KIAA0825: variants seen among roughly 807,000 people sequenced by gnomAD.
KIAA0825 encodes KIAA0825, also known as uncharacterized protein KIAA0825.
A neutral mutation model predicts 147.6 loss-of-function variants in KIAA0825; 119 were observed. The ratio of observed to expected loss-of-function variants is 0.81; its 90% CI spans 0.69 to 0.94. The LOEUF (loss-of-function observed/expected upper bound fraction) is 0.94, where lower values mean the gene tolerates loss of function less well. Among genes scored for constraint, KIAA0825 ranks in the 40% least tolerant of loss-of-function variants. The pLI is 0.00. For missense variants in KIAA0825, 1,381 were observed against 1,472.7 expected (o/e 0.94, Z 1.02); for synonymous variants, 470 against 518.1 (o/e 0.91, Z 1.26).
At chr5:94,192,499 G>A (rs1484334904) in intron 20 of KIAA0825, among the ~76,000 whole-genome samples, 1 of 152,058 alleles carries the variant, frequency 6.6e-6, no homozygotes. Flanking sequence ...GTTATTTTGA[G>A]GAAATCACTA....
intron 20 of KIAA0825, among the ~76,000 whole-genome samples, chr5:94,365,341 C>A (rs1412616567): frequency 6.6e-6 from 1 of 152,212 alleles, no homozygotes; most frequent in Non-Finnish European, 1.5e-5. Flanking sequence ...CCCCAGACAA[C>A]AATGCCCCTT....
chr5:94,421,757 G>A (rs1754220721), intron 14 of KIAA0825, among the ~76,000 whole-genome samples: 1 of 152,164 alleles, frequency 6.6e-6, no homozygotes, highest in South Asian at 2.1e-4. Flanking sequence ...AATGCCTTAT[G>A]TATCCAGACT....
intron 10 of KIAA0825, among the ~76,000 whole-genome samples, chr5:94,465,512 G>A (rs1760378341): frequency 6.6e-6 from 1 of 152,180 alleles, no homozygotes; most frequent in African/African-American, 2.4e-5. Context: ...GCATTATAAT[G>A]AAGTAACAGG....
At chr5:94,429,938 C>G (rs907513612) in intron 14 of KIAA0825, among the ~76,000 whole-genome samples, 4 of 152,102 alleles carry the variant, frequency 2.6e-5, no homozygotes, top group African/African-American at 7.2e-5. Flanking sequence ...GGCTTCCCTG[C>G]ACCAGAATCT....
At chr5:94,201,453 C>A (rs1012409810) in intron 20 of KIAA0825, among the ~76,000 whole-genome samples, 9 of 152,096 alleles carry the variant, frequency 5.9e-5, no homozygotes, top group African/African-American at 2.2e-4. Flanking sequence ...CGTCACCCAG[C>A]CTGGAGTGCA....
intron 14 of KIAA0825, among the ~76,000 whole-genome samples, chr5:94,418,833 C>A (rs552353934): frequency 3.9e-4 from 59 of 152,098 alleles, no homozygotes; most frequent in Non-Finnish European, 1.0e-4. Flanking sequence ...TCCAGCAATG[C>A]CTACATATTT....
chr5:94,424,897 G>A (rs527726248), intron 14 of KIAA0825, among the ~76,000 whole-genome samples: 14 of 152,122 alleles, frequency 9.2e-5, no homozygotes, highest in Non-Finnish European at 1.9e-4. Context: ...TGGAAGAAAC[G>A]GATAAATTCC....
intron 2 of KIAA0825, among the ~76,000 whole-genome samples, chr5:94,543,517 T>C (rs1198221381): frequency 6.6e-6 from 1 of 151,346 alleles, no homozygotes; most frequent in Admixed American, 6.6e-5. Flanking sequence ...CTTGAGAAAA[T>C]AAAATTTAAA....
At chr5:94,601,247 C>A (rs575653404) in intron 1 of KIAA0825, among the ~76,000 whole-genome samples, 1 of 152,282 alleles carries the variant, frequency 6.6e-6, no homozygotes, top group African/African-American at 2.4e-5. Context: ...TATTTCACAG[C>A]CTTCACTGGT....
At chr5:94,396,056 T>C (rs1750614124) in intron 17 of KIAA0825, 45 bp downstream of exon 17, 1 of 1,389,404 alleles carries the variant, frequency 7.2e-7, no homozygotes, top group Non-Finnish European at 9.4e-7. Context: ...TTTGTTATTG[T>C]GAAAGCATTT....
At chr5:94,600,732 C>T (rs1032680595) in intron 1 of KIAA0825, among the ~76,000 whole-genome samples, 6 of 151,872 alleles carry the variant, frequency 4.0e-5, no homozygotes, top group African/African-American at 1.5e-4. Context: ...AGTCTGTGGG[C>T]TTAAGAGAGT....
chr5:94,298,881 G>T (rs959258438), intron 20 of KIAA0825, among the ~76,000 whole-genome samples: 1 of 152,128 alleles, frequency 6.6e-6, no homozygotes, highest in Non-Finnish European at 1.5e-5. Flanking sequence ...GTAAAAATGT[G>T]TCACCACAGA....
chr5:94,207,472 T>A (rs1012987539), intron 20 of KIAA0825, among the ~76,000 whole-genome samples: 5 of 152,162 alleles, frequency 3.3e-5, no homozygotes, highest in Non-Finnish European at 7.4e-5. Context: ...CTACTCCTCA[T>A]CAAGAGTGTT....
At chr5:94,368,909 T>G (rs1350361114) in intron 20 of KIAA0825, among the ~76,000 whole-genome samples, 1 of 152,182 alleles carries the variant, frequency 6.6e-6, no homozygotes, top group African/African-American at 2.4e-5. Context: ...GGCTCACACC[T>G]GTAATCTCAG....
At chr5:94,516,984 C>T (rs1767371052) in intron 5 of KIAA0825, among the ~76,000 whole-genome samples, 1 of 151,972 alleles carries the variant, frequency 6.6e-6, no homozygotes, top group Admixed American at 6.6e-5. Flanking sequence ...CCTGTAATCC[C>T]AGCTACTTAG....
At chr5:94,579,444 G>A (rs1308865210) in intron 2 of KIAA0825, among the ~76,000 whole-genome samples, 1 of 152,152 alleles carries the variant, frequency 6.6e-6, no homozygotes, top group Non-Finnish European at 1.5e-5. Flanking sequence ...AGCATATATT[G>A]TATCCCATTA....
Position 94,408,515 on chromosome 5 carries a change from T to TTGTGTG in KIAA0825, c.2663-4728_2663-4723dup, listed in dbSNP as rs3050853. On this transcript the variant is annotated intron_variant, in intron 15 of 20. Transcript: ENST00000682413. ...GCACCCACCACCACACTCAGCTAAT[T>TTGTGTG]TGTGTGTGTGTGTGTGTGTGTGTGT... Among the ~76,000 whole-genome samples, 618 of 147,300 alleles carry TTGTGTG rather than the reference T, an allele frequency of 4.2e-3. 5 individuals carry two copies. The highest frequency in any genetic ancestry group is 0.021 in the Middle Eastern group (6 of 288).
chr5:94,365,469 T>C (rs1368106715), intron 20 of KIAA0825, among the ~76,000 whole-genome samples: 2 of 152,210 alleles, frequency 1.3e-5, no homozygotes, highest in African/African-American at 2.4e-5. Flanking sequence ...CTGATTTCTA[T>C]GTAAATCAAA....
At chr5:94,606,331 C>T (rs1454823399) in intron 1 of KIAA0825, among the ~76,000 whole-genome samples, 1 of 152,118 alleles carries the variant, frequency 6.6e-6, no homozygotes, top group Non-Finnish European at 1.5e-5. Context: ...CTACATTGCC[C>T]AAAGTAATTT....
Sources: gnomAD v4.1 joint callset for allele counts (sites outside exome capture counted in the v4.1 genomes callset) on GRCh38, gnomAD v4.1.1 for gene constraint, MANE v1.5 for transcripts, NCBI Gene and HGNC (gene_info 2026-07-23, HGNC 2026-07-21) for gene names.